EPHA6: variants seen among roughly 807,000 people sequenced by gnomAD.
EPHA6 encodes ephrin type-A receptor 6.
Under a neutral mutation model 112.0 loss-of-function variants are expected in EPHA6, and 50 were observed. That is an observed-to-expected ratio of 0.45 (90% CI 0.36 to 0.56). The LOEUF (loss-of-function observed/expected upper bound fraction) is 0.56, where lower values mean the gene tolerates loss of function less well. Ranked by LOEUF, EPHA6 falls within the 20% of genes least tolerant of loss-of-function variation. EPHA6 has a pLI of 0.00. For synonymous variants in EPHA6, 529 were observed against 490.7 expected (o/e 1.08, Z -1.03); for missense variants, 1,280 against 1,417.4 (o/e 0.90, Z 1.56).
intron 11 of EPHA6, among the ~76,000 whole-genome samples, chr3:97,580,755 T>C (rs1323399186): frequency 6.6e-6 from 1 of 152,222 alleles, no homozygotes; most frequent in Non-Finnish European, 1.5e-5. Flanking sequence ...TGTTGTCTCA[T>C]ATCAGACTTG....
chr3:97,730,549 C>A (rs2034990484), intron 15 of EPHA6, among the ~76,000 whole-genome samples: 1 of 152,028 alleles, frequency 6.6e-6, no homozygotes, highest in African/African-American at 2.4e-5. Context: ...TTAAAAAATT[C>A]TCTCTAGTTA....
chr3:97,374,441 T>C (rs2085232716), intron 5 of EPHA6, among the ~76,000 whole-genome samples: 1 of 152,142 alleles, frequency 6.6e-6, no homozygotes, highest in Non-Finnish European at 1.5e-5. Flanking sequence ...CTCCATGATG[T>C]CATTCTCTCT....
intron 6 of EPHA6, among the ~76,000 whole-genome samples, chr3:97,434,541 T>A (rs1333859023): frequency 1.3e-5 from 2 of 152,134 alleles, no homozygotes; most frequent in African/African-American, 4.8e-5. Context: ...CAAAATAGCA[T>A]CAGCCAATCT....
intron 14 of EPHA6, among the ~76,000 whole-genome samples, chr3:97,706,879 C>T (rs914750311): frequency 9.3e-5 from 14 of 151,058 alleles, no homozygotes; most frequent in African/African-American, 3.4e-4. Context: ...TATTTATTTA[C>T]ATCAATGTTT....
At chr3:97,021,260 C>G (rs2044448662) in intron 3 of EPHA6, among the ~76,000 whole-genome samples, 1 of 150,436 alleles carries the variant, frequency 6.6e-6, no homozygotes, top group South Asian at 2.2e-4. Context: ...TTTCTTTTAT[C>G]TTTCTTTTGC....
At chr3:96,815,305 C>A (rs1355875432) in intron 1 of EPHA6, among the ~76,000 whole-genome samples, 1 of 152,148 alleles carries the variant, frequency 6.6e-6, no homozygotes, top group Non-Finnish European at 1.5e-5. Context: ...TGCGCTGTCT[C>A]CACTGGAAGT....
chr3:97,221,361 C>A (rs1693044203), intron 3 of EPHA6, among the ~76,000 whole-genome samples: 1 of 143,980 alleles, frequency 6.9e-6, no homozygotes, highest in Non-Finnish European at 1.5e-5. Flanking sequence ...GGTCTATTCC[C>A]AAATAGATTT....
intron 5 of EPHA6, among the ~76,000 whole-genome samples, chr3:97,341,121 A>T (rs780088947): frequency 3.3e-5 from 5 of 152,194 alleles, no homozygotes; most frequent in South Asian, 2.1e-4. Context: ...AAGTACCTGA[A>T]TACCCAAGGA....
intron 1 of EPHA6, among the ~76,000 whole-genome samples, chr3:96,817,788 A>C (rs905896047): frequency 2.0e-5 from 3 of 151,956 alleles, no homozygotes; most frequent in African/African-American, 7.2e-5. Context: ...TCCATACATA[A>C]GCAAGGTAAA....
At chr3:97,241,755 G>GTTT (rs553996537) in intron 4 of EPHA6, among the ~76,000 whole-genome samples, 5 of 116,894 alleles carry the variant, frequency 4.3e-5, no homozygotes, top group Admixed American at 8.3e-5. Flanking sequence ...CAGCCTTCTT[G>GTTT]TTTTTTTTTT....
chr3:96,866,922 T>G, intron 2 of EPHA6, 33 bp downstream of exon 2: 2 of 1,292,666 alleles, frequency 1.5e-6, no homozygotes, highest in Non-Finnish European at 2.1e-6. Context: ...TTGCTGTCTT[T>G]TTTAGATTTT....
chr3:97,012,035 A>G (rs1410808997), intron 3 of EPHA6, among the ~76,000 whole-genome samples: 1 of 152,118 alleles, frequency 6.6e-6, no homozygotes, highest in African/African-American at 2.4e-5. Context: ...CATATATACC[A>G]TATTTTCTTT....
chr3:96,978,913 C>T (rs544699080), intron 2 of EPHA6, among the ~76,000 whole-genome samples: 8 of 152,116 alleles, frequency 5.3e-5, no homozygotes, highest in Non-Finnish European at 1.2e-4. Context: ...ATTATAATTT[C>T]ATAAATGATA....
At chr3:97,510,598 G>T (rs1435477253) in intron 10 of EPHA6, among the ~76,000 whole-genome samples, 1 of 152,126 alleles carries the variant, frequency 6.6e-6, no homozygotes, top group Non-Finnish European at 1.5e-5. Flanking sequence ...TGCCAGTGGA[G>T]CTCTGTTATA....
At chr3:97,196,382 T>C (rs962202719) in intron 3 of EPHA6, among the ~76,000 whole-genome samples, 10 of 152,020 alleles carry the variant, frequency 6.6e-5, no homozygotes, top group Non-Finnish European at 1.2e-4. Flanking sequence ...CTGAATTCTT[T>C]CCCTGTGTTA....
intron 13 of EPHA6, among the ~76,000 whole-genome samples, chr3:97,619,437 G>A (rs903856876): frequency 2.7e-5 from 4 of 146,240 alleles, no homozygotes; most frequent in Non-Finnish European, 4.5e-5. Flanking sequence ...AGAAAAAGGG[G>A]GGGGGGGGCA....
At chr3:97,734,350 G>T (rs1262589454) in intron 15 of EPHA6, among the ~76,000 whole-genome samples, 1 of 151,968 alleles carries the variant, frequency 6.6e-6, no homozygotes, top group Non-Finnish European at 1.5e-5. Context: ...TTAATGCATT[G>T]CAAGTGTTTT....
At chr3:97,113,646 C>T (rs1242966633) in intron 3 of EPHA6, among the ~76,000 whole-genome samples, 5 of 151,496 alleles carry the variant, frequency 3.3e-5, no homozygotes, top group African/African-American at 4.8e-5. Context: ...AGAGCACCCA[C>T]AAAAAAAAGT....
intron 1 of EPHA6, among the ~76,000 whole-genome samples, chr3:96,823,311 T>C (rs1408242446): frequency 1.3e-5 from 2 of 151,630 alleles, no homozygotes; most frequent in South Asian, 2.1e-4. Flanking sequence ...AACATACCAA[T>C]GATTAAAGAA....
Sources: allele counts gnomAD v4.1 joint callset (sites outside exome capture counted in the v4.1 genomes callset), GRCh38; gene constraint gnomAD v4.1.1; transcripts MANE v1.5; gene names NCBI Gene and HGNC (gene_info 2026-07-23, HGNC 2026-07-21).